Variants in USP14 observed in about 807,000 individuals in gnomAD.
USP14 encodes the protein ubiquitin specific peptidase 14, also known as ubiquitin carboxyl-terminal hydrolase 14.
USP14 carries 38 observed loss-of-function variants against 76.5 expected under a neutral mutation model. That is an observed-to-expected ratio of 0.50 (90% confidence interval 0.38 to 0.65). The LOEUF (loss-of-function observed/expected upper bound fraction) is 0.65. USP14 is among the 30% of genes least tolerant of loss of function. USP14 has a pLI of 0.00. For missense variants in USP14, 467 were observed against 586.5 expected (o/e 0.80, Z 2.10); for synonymous variants, 192 against 191.7 (o/e 1.00, Z -0.01).
In USP14 at chr18:211,831, A is replaced by G. The variant is rs921833052; in HGVS notation, c.*547A>G. ...GCACAATCAAGTATTTGTCCAGCCT[A>G]TTGCAGGCTTTTCCTGACTTTAAAA... On this transcript the variant is annotated 3_prime_UTR_variant, in exon 16 of 16. Coordinates refer to ENST00000261601, the MANE Select transcript of USP14 (RefSeq NM_005151.4). 11 of 152,630 alleles carry G rather than the reference A, an allele frequency of 7.2e-5. No homozygotes were observed. The highest frequency in any genetic ancestry group is 2.7e-4 in the African/African-American group (11 of 41,440). 9.5% of individuals were successfully genotyped at this position (152,630 alleles called of 1,614,324 possible).
At chr18:159,881 A>AG (rs1441036764) in intron 1 of USP14, among the ~76,000 whole-genome samples, 1 of 152,224 alleles carries the variant, frequency 6.6e-6, no homozygotes, top group African/African-American at 2.4e-5. Flanking sequence ...AAGGAACTCA[A>AG]GTAGATTTCT....
chr18:208,812 C>T (rs1009443646), intron 13 of USP14, among the ~76,000 whole-genome samples: 3 of 152,124 alleles, frequency 2.0e-5, no homozygotes, highest in Non-Finnish European at 2.9e-5. Context: ...TAGGTACGAT[C>T]CCGGCTCAGT....
intron 5 of USP14, among the ~76,000 whole-genome samples, chr18:190,559 G>A (rs535991935): frequency 2.6e-4 from 40 of 152,238 alleles, no homozygotes; most frequent in African/African-American, 9.1e-4. Flanking sequence ...CTATGGGTAA[G>A]GATTGTGGCC....
At position 197,679 on chromosome 18, in the gene USP14, G is replaced by A. The variant is rs752438772; in HGVS notation, c.658G>A (p.Asp220Asn). The change falls in exon 8 of 16, where the codon GAT becomes AAT. Residue 220 changes from aspartate (D) to asparagine (N), a missense_variant. By Grantham distance (23) the Asp-to-Asn change is conservative. Transcript: ENST00000261601. ...VLQQKLEAIE[D>N]DSVKETDSSS... is the part of the protein sequence containing the mutation. ...GCAACAGAAATTGGAAGCAATAGAGGATGATTCTGTTAAAGAGGTAATTGA... is the reference window on the plus strand; with the variant it reads ...GCAACAGAAATTGGAAGCAATAGAGAATGATTCTGTTAAAGAGGTAATTGA... The A allele has an allele frequency of 1.0e-4, 162 of 1,611,600 alleles. No homozygotes were observed. The highest frequency in any genetic ancestry group is 1.3e-4 in the Non-Finnish European group (158 of 1,178,700).
At chr18:196,813 G>A (rs1910250090) in intron 7 of USP14, 46 bp downstream of exon 7, 1 of 1,603,546 alleles carries the variant, frequency 6.2e-7, no homozygotes, top group Non-Finnish European at 8.5e-7. Context: ...TAAAACTTAG[G>A]TTTCCTACAT....
chr18:171,025 A>ATATATATATATATAGATAT (rs1555762344), intron 3 of USP14, among the ~76,000 whole-genome samples: 1 of 47,684 alleles, frequency 2.1e-5, no homozygotes, highest in East Asian at 9.1e-4. Context: ...AAAAAAAAAA[A>ATATATATATATATAGATAT]ATATATATAT....
intron 3 of USP14, among the ~76,000 whole-genome samples, chr18:173,546 G>T (rs1909536518): frequency 6.6e-6 from 1 of 152,016 alleles, no homozygotes; most frequent in Non-Finnish European, 1.5e-5. Flanking sequence ...TGAGTAGCTG[G>T]GATTAAAGGC....
At chr18:199,039 G>A (rs921518691) in intron 9 of USP14, among the ~76,000 whole-genome samples, 163 bp from the exon 10 acceptor site, 3 of 152,156 alleles carry the variant, frequency 2.0e-5, no homozygotes, top group African/African-American at 7.2e-5. Flanking sequence ...GTAGCCAAAT[G>A]AACATTCTTA....
intron 5 of USP14, among the ~76,000 whole-genome samples, chr18:184,700 C>T (rs889993419): frequency 7.9e-5 from 12 of 151,932 alleles, no homozygotes; most frequent in African/African-American, 2.4e-4. Flanking sequence ...CCTGGGAGGT[C>T]GAGTCTGCAG....
At chr18:192,645 A>G (rs549766121) in intron 5 of USP14, among the ~76,000 whole-genome samples, 197 bp from the exon 6 acceptor site, 2 of 152,192 alleles carry the variant, frequency 1.3e-5, no homozygotes, top group East Asian at 3.9e-4. Context: ...CTCCATCTAA[A>G]TTCCCTTTTC....
chr18:185,619 T>C (rs1316634652), intron 5 of USP14, among the ~76,000 whole-genome samples: 3 of 152,180 alleles, frequency 2.0e-5, no homozygotes, highest in Non-Finnish European at 4.4e-5. Context: ...GCATGTGGGA[T>C]TGCTTACACT....
chr18:197,030 A>C (rs1910256647), intron 7 of USP14, among the ~76,000 whole-genome samples: 1 of 152,170 alleles, frequency 6.6e-6, no homozygotes, highest in South Asian at 2.1e-4. Context: ...AGTACTCCCT[A>C]GTGATTTTCT....
In USP14 at chr18:214,459, ACT is replaced by A. The variant is rs1910787828; in HGVS notation, c.*3178_*3179del. The A allele has an allele frequency of 1.7e-6, 1 of 598,994 alleles. No homozygotes were observed. The highest frequency in any genetic ancestry group is 2.9e-6 in the Non-Finnish European group (1 of 349,660). The allele number at this position is 598,994 out of a possible 1,614,324, so 37.1% of individuals were successfully genotyped here. On this transcript the variant is annotated 3_prime_UTR_variant, in exon 16 of 16. Coordinates refer to ENST00000261601, the MANE Select transcript of USP14 (RefSeq NM_005151.4). ...CATTATCTCAACCCAACCTCCCCAA[ACT>A]CTGGTTTGAGCCAATATGTGTTCTA...
chr18:180,799 C>G (rs113367384), intron 5 of USP14, among the ~76,000 whole-genome samples: 2 of 146,750 alleles, frequency 1.4e-5, no homozygotes, highest in African/African-American at 2.5e-5. Context: ...GGTTCACTCA[C>G]GTTACAGCAC....
At position 211,355 on chromosome 18, in the gene USP14, C is replaced by A; in HGVS notation, c.*71C>A. 1 of 1,502,534 alleles carries A rather than the reference C, an allele frequency of 6.7e-7. No individual in the cohort carries two copies. The highest frequency in any genetic ancestry group is 9.0e-7 in the Non-Finnish European group (1 of 1,110,874). 93.1% of individuals were successfully genotyped at this position (1,502,534 alleles called of 1,614,324 possible). A position where few individuals can be genotyped will look rare whatever the true frequency, so the allele number is the denominator to read the frequency against. ...TGTTGATCATTTCTATAATCCAGAG[C>A]TTTAGAGGAAGACACATAGGTGGGT... On this transcript the variant is annotated 3_prime_UTR_variant, in exon 16 of 16. Coordinates refer to ENST00000261601, the MANE Select transcript of USP14 (RefSeq NM_005151.4).
chr18:206,770 G>A (rs1180365771), intron 13 of USP14, among the ~76,000 whole-genome samples: 5 of 152,126 alleles, frequency 3.3e-5, no homozygotes, highest in African/African-American at 1.2e-4. Context: ...GTATGGTGGT[G>A]CGGACCTATA....
intron 4 of USP14, among the ~76,000 whole-genome samples, chr18:179,896 C>T (rs1909738368): frequency 1.3e-5 from 2 of 151,834 alleles, no homozygotes; most frequent in Non-Finnish European, 2.9e-5. Context: ...CCACTGTGCC[C>T]AACCTGTTAT....
chr18:207,034 A>ATTTTTTTCATAATGTTT (rs1555603124), intron 13 of USP14, among the ~76,000 whole-genome samples: 31 of 146,672 alleles, frequency 2.1e-4, no homozygotes, highest in South Asian at 4.4e-4. Flanking sequence ...TTGCATGTGA[A>ATTTTTTTCATAATGTTT]TATCTGGTTG....
At chr18:186,790 T>C (rs1909943452) in intron 5 of USP14, among the ~76,000 whole-genome samples, 2 of 152,134 alleles carry the variant, frequency 1.3e-5, no homozygotes, top group South Asian at 4.1e-4. Flanking sequence ...TGCGTTATAT[T>C]TGGGTTTTTT....
Sources: allele counts gnomAD v4.1 joint callset (sites outside exome capture counted in the v4.1 genomes callset), GRCh38; gene constraint gnomAD v4.1.1; transcripts MANE v1.5; gene names NCBI Gene and HGNC (gene_info 2026-07-23, HGNC 2026-07-21).